Variants in SLC17A6 observed in about 807,000 individuals in gnomAD.
SLC17A6 encodes solute carrier family 17 member 6.
In SLC17A6, 35 loss-of-function variants were observed where a neutral mutation model predicts 67.1. The ratio of observed to expected loss-of-function variants is 0.52; its 90% CI spans 0.40 to 0.69. The LOEUF is 0.69. Among genes scored for constraint, SLC17A6 ranks in the 30% least tolerant of loss-of-function variants. SLC17A6 has a pLI of 0.00. For missense variants in SLC17A6, 588 were observed against 723.9 expected, an observed-to-expected ratio of 0.81 and a Z score of 2.15; for synonymous variants, 285 against 252.3, an observed-to-expected ratio of 1.13 and a Z score of -1.23.
At chr11:22,349,551 T>C (rs1855914844) in intron 3 of SLC17A6, among the ~76,000 whole-genome samples, 1 of 152,238 alleles carries the variant, frequency 6.6e-6, no homozygotes, top group African/African-American at 2.4e-5. Context: ...TTACTAGCTC[T>C]GGCTTTTCCC....
rs567058884 is a variant in SLC17A6, at chr11:22,355,693, T to C, written c.459-3720T>C. ...CCACTCTAGATGTTCTTCCTTCTCC[T>C]AAGAACCTGAGCCACTATGTTCAGC... is the stretch of plus-strand genomic sequence containing the variant. On this transcript the variant is annotated intron_variant, in intron 3 of 11. Coordinates refer to ENST00000263160, the MANE Select transcript of SLC17A6 (RefSeq NM_020346.3). Among the ~76,000 whole-genome samples, 26 of 152,306 alleles carry C rather than the reference T, an allele frequency of 1.7e-4. No homozygotes were observed. In the South Asian group the frequency reaches 2.3e-3, roughly 13 times the overall value.
intron 10 of SLC17A6, among the ~76,000 whole-genome samples, 163 bp from the exon 11 acceptor site, chr11:22,376,382 C>A (rs1163691101): frequency 7.2e-5 from 11 of 151,814 alleles, no homozygotes. Context: ...GAATTCATAC[C>A]TCATTCTATT....
At chr11:22,374,602 T>C (rs1194647865) in intron 8 of SLC17A6, among the ~76,000 whole-genome samples, 153 bp from the exon 9 acceptor site, 1 of 152,214 alleles carries the variant, frequency 6.6e-6, no homozygotes, top group Non-Finnish European at 1.5e-5. Flanking sequence ...AAGGCATTAC[T>C]TTTTCTAGGA....
At chr11:22,361,013 G>T (rs1272390494) in intron 5 of SLC17A6, 29 bp downstream of exon 5, 1 of 1,586,530 alleles carries the variant, frequency 6.3e-7, no homozygotes, top group East Asian at 2.2e-5. Context: ...TGCAGCTATG[G>T]TGGCTAAAAG....
intron 7 of SLC17A6, among the ~76,000 whole-genome samples, chr11:22,367,432 A>G (rs1357370525): frequency 6.6e-6 from 1 of 152,232 alleles, no homozygotes; most frequent in Non-Finnish European, 1.5e-5. Flanking sequence ...TTAGCTTGGC[A>G]TTAGAACTTT....
Position 22,377,458 on chromosome 11 carries a change from T to C in SLC17A6, c.1467T>C (p.Gly489=). The change falls in exon 12 of 12, where the codon GGT becomes GGC. Residue 489 remains glycine, a synonymous_variant. Transcript: ENST00000263160. The part of the protein sequence containing the change: ...VFLIAALVHY[G]GVIFYAIFAS... ...TGATCGCTGCCCTAGTCCACTATGG[T>C]GGAGTTATATTTTATGCAATATTTG... The C allele has an allele frequency of 6.2e-7, 1 of 1,614,100 alleles. No homozygotes were observed. The highest frequency in any genetic ancestry group is 8.5e-7 in the Non-Finnish European group (1 of 1,179,984).
At chr11:22,349,533 C>T (rs1855914590) in intron 3 of SLC17A6, among the ~76,000 whole-genome samples, 1 of 152,208 alleles carries the variant, frequency 6.6e-6, no homozygotes, top group Non-Finnish European at 1.5e-5. Flanking sequence ...TCTCCAATCC[C>T]TTACCCCTTA....
chr11:22,338,800 A>G (rs1458599530), intron 1 of SLC17A6, among the ~76,000 whole-genome samples, 181 bp downstream of exon 1: 2 of 144,190 alleles, frequency 1.4e-5, no homozygotes, highest in African/African-American at 5.3e-5. Flanking sequence ...GTTGCACTAA[A>G]TGAACCTGTC....
At chr11:22,358,176 T>C (rs1276291609) in intron 3 of SLC17A6, among the ~76,000 whole-genome samples, 1 of 152,216 alleles carries the variant, frequency 6.6e-6, no homozygotes, top group Non-Finnish European at 1.5e-5. Flanking sequence ...GGCTCGTGTT[T>C]GGCTTGATAA....
At chr11:22,359,617 T>C (rs1856027355) in intron 4 of SLC17A6, 90 bp downstream of exon 4, 1 of 619,138 alleles carries the variant, frequency 1.6e-6, no homozygotes, top group Admixed American at 3.7e-5. Flanking sequence ...AATAAATATA[T>C]TGTATTAGGT....
chr11:22,357,849 G>T (rs1007409819), intron 3 of SLC17A6, among the ~76,000 whole-genome samples: 1 of 152,104 alleles, frequency 6.6e-6, no homozygotes, highest in Admixed American at 6.5e-5. Context: ...TCTATTTTGG[G>T]CAAACAGCAC....
At chr11:22,346,966 C>T (rs1486193847) in intron 3 of SLC17A6, among the ~76,000 whole-genome samples, 1 of 151,332 alleles carries the variant, frequency 6.6e-6, no homozygotes, top group Admixed American at 6.6e-5. Flanking sequence ...ACTGTTTTGC[C>T]TTTATTTAGG....
chr11:22,366,548 T>C (rs982775383), intron 7 of SLC17A6, among the ~76,000 whole-genome samples: 1 of 152,224 alleles, frequency 6.6e-6, no homozygotes, highest in African/African-American at 2.4e-5. Context: ...GACAATGTTG[T>C]GAAGCCCTTT....
At chr11:22,347,556 T>C (rs1855892851) in intron 3 of SLC17A6, among the ~76,000 whole-genome samples, 2 of 152,218 alleles carry the variant, frequency 1.3e-5, no homozygotes, top group South Asian at 4.1e-4. Context: ...CTTATTTTTG[T>C]ATGAATTTAC....
At chr11:22,360,529 C>A (rs1042425726) in intron 4 of SLC17A6, among the ~76,000 whole-genome samples, 2 of 134,988 alleles carry the variant, frequency 1.5e-5, no homozygotes, top group Admixed American at 7.4e-5. Flanking sequence ...CTCTCCTTCC[C>A]CCCCCCCCAA....
At chr11:22,366,199 T>C (rs10833748) in intron 7 of SLC17A6, among the ~76,000 whole-genome samples, 52,258 of 151,906 alleles carry the variant, frequency 0.34, 9,553 homozygotes, top group East Asian at 0.47. Flanking sequence ...TAGTAAGTGA[T>C]TGACCACAGT....
intron 1 of SLC17A6, among the ~76,000 whole-genome samples, chr11:22,339,181 TTATATA>T (rs60197884): frequency 0.042 from 3,464 of 82,726 alleles, 370 homozygotes; most frequent in African/African-American, 0.067. Context: ...TATATATGTT[TTATATA>T]TATATATATA....
At chr11:22,364,306 A>G (rs189776319) in intron 6 of SLC17A6, among the ~76,000 whole-genome samples, 10 of 152,098 alleles carry the variant, frequency 6.6e-5, no homozygotes, top group Non-Finnish European at 1.3e-4. Flanking sequence ...TAAAATTACA[A>G]TATCTCTCAT....
At chr11:22,359,565 A>G in intron 4 of SLC17A6, 38 bp downstream of exon 4, 2 of 1,376,790 alleles carry the variant, frequency 1.5e-6, no homozygotes, top group South Asian at 2.8e-5. Context: ...TAAGATTGGC[A>G]TTTGGTTGAG....
Sources: gnomAD v4.1 joint callset for allele counts (sites outside exome capture counted in the v4.1 genomes callset) on GRCh38, gnomAD v4.1.1 for gene constraint, MANE v1.5 for transcripts, NCBI Gene and HGNC (gene_info 2026-07-23, HGNC 2026-07-21) for gene names.